Variants in TBCD observed in about 807,000 individuals in gnomAD.
TBCD encodes the protein tubulin folding cofactor D.
Under a neutral mutation model 169.3 loss-of-function variants are expected in TBCD, and 105 were observed. That is an observed-to-expected ratio of 0.62 (90% CI 0.53 to 0.73). The LOEUF (loss-of-function observed/expected upper bound fraction) is 0.73, where lower values mean the gene tolerates loss of function less well. Among genes scored for constraint, TBCD ranks in the 30% least tolerant of loss-of-function variants. TBCD has a pLI of 0.00. For missense variants in TBCD, 1,444 were observed against 1,600.1 expected, an observed-to-expected ratio of 0.90 and a Z score of 1.66; for synonymous variants, 700 against 643.9, an observed-to-expected ratio of 1.09 and a Z score of -1.32.
intron 9 of TBCD, among the ~76,000 whole-genome samples, chr17:82,803,547 C>T (rs2050730013): frequency 6.6e-6 from 1 of 152,236 alleles, no homozygotes. Flanking sequence ...TATGAGCCCT[C>T]CACTCATTGA....
chr17:82,929,707 A>G (rs1382623239), intron 32 of TBCD: 2 of 719,494 alleles, frequency 2.8e-6, no homozygotes, highest in African/African-American at 1.8e-5. Context: ...AGTCTGATGA[A>G]GGTGGGACAG....
chr17:82,765,540 C>T lies in TBCD; in HGVS notation c.334-727C>T, dbSNP rs564501166. 7.2e-5 allele frequency among the ~76,000 whole-genome samples: 11 copies of T among 152,260 alleles called. No homozygotes were observed. In the East Asian group the frequency reaches 7.7e-4, roughly 11 times the overall value. On this transcript the variant is annotated intron_variant, in intron 3 of 38. Transcript: ENST00000355528. ...GGGCTTGGGGTTCGTAGTGGCGAGG[C>T]GCATTTCTGTTGTCTGGCGGGAAAG...
At chr17:82,830,177 C>T (rs368293487) in intron 13 of TBCD, 1 of 1,614,202 alleles carries the variant, frequency 6.2e-7, no homozygotes, top group Non-Finnish European at 8.5e-7. Flanking sequence ...AGTGTGAACA[C>T]TCTGGCCGTG....
Position 82,889,235 on chromosome 17 carries a change from A to T in TBCD, c.1534-433A>T, listed in dbSNP as rs903382033. 3.3e-5 allele frequency among the ~76,000 whole-genome samples: 5 copies of T among 152,014 alleles called. No homozygotes were observed. The highest frequency in any genetic ancestry group is 1.2e-4 in the African/African-American group (5 of 41,392). On this transcript the variant is annotated intron_variant, in intron 15 of 38. Coordinates refer to ENST00000355528, the MANE Select transcript of TBCD (RefSeq NM_005993.5). The surrounding 1 kb of genome is among the most constrained non-coding windows in gnomAD (Gnocchi z 5.3). ...GGGACTCGGCCTGGAGAGCCTATTG[A>T]CACCGTGCCATGGGTGCGGGCAGGG...
intron 12 of TBCD, among the ~76,000 whole-genome samples, chr17:82,812,731 C>T (rs758891318): frequency 1.9e-4 from 29 of 152,166 alleles, no homozygotes; most frequent in Admixed American, 3.3e-4. Flanking sequence ...TTAGTAGAGA[C>T]GGGGTTTCAC....
At chr17:82,900,347 G>T (rs1050566520) in intron 17 of TBCD, among the ~76,000 whole-genome samples, 2 of 152,190 alleles carry the variant, frequency 1.3e-5, no homozygotes, top group African/African-American at 4.8e-5. Context: ...CAGATTGTGT[G>T]TGTTGTTGCT....
chr17:82,843,446 A>ACCCTT (rs1381494922), intron 13 of TBCD, among the ~76,000 whole-genome samples: 5 of 79,722 alleles, frequency 6.3e-5, no homozygotes, highest in African/African-American at 2.6e-4. Context: ...CAGCTTACAT[A>ACCCTT]CCCTTCCCTT....
At chr17:82,854,129 A>C (rs370282145) in intron 13 of TBCD, among the ~76,000 whole-genome samples, 83 of 152,316 alleles carry the variant, frequency 5.4e-4, no homozygotes, top group Admixed American at 1.7e-3. Context: ...CATATTTGAC[A>C]TTGTTGAGTT....
chr17:82,907,880 G>T, intron 21 of TBCD, 59 bp downstream of exon 21: 2 of 1,568,954 alleles, frequency 1.3e-6, no homozygotes, highest in Admixed American at 1.8e-5. Flanking sequence ...GCCCCCTTAG[G>T]GCCTCCCACC....
chr17:82,869,761 C>T (rs536854199), intron 13 of TBCD, among the ~76,000 whole-genome samples: 123 of 152,012 alleles, frequency 8.1e-4, no homozygotes, highest in African/African-American at 2.9e-3. Context: ...TCCCCTGGGA[C>T]GCTCTGCCTT....
intron 13 of TBCD, among the ~76,000 whole-genome samples, chr17:82,856,587 A>G (rs1399145447): frequency 6.6e-6 from 1 of 152,200 alleles, no homozygotes; most frequent in Non-Finnish European, 1.5e-5. Flanking sequence ...GAATGCTATC[A>G]GGGCCCTTAC....
chr17:82,939,432 G>A lies in TBCD; in HGVS notation c.3435G>A (p.Ala1145=), dbSNP rs373699857. 261 of 1,613,640 alleles carry A rather than the reference G, an allele frequency of 1.6e-4. 3 individuals carry two copies. The Middle Eastern group carries it at 8.4e-3, about 52-fold the overall frequency. ...TLLTYSDVVG[A]DVLDEVVTVL... ...TCACCTACAGTGACGTCGTGGGCGCGGATGTGCTGGACGAGGTGGTGACTG... is the reference window on the plus strand; with the variant it reads ...TCACCTACAGTGACGTCGTGGGCGCAGATGTGCTGGACGAGGTGGTGACTG... The change falls in exon 37 of 39, where the codon GCG becomes GCA. Residue 1145 remains alanine (A), a synonymous_variant. Coordinates refer to ENST00000355528, the MANE Select transcript of TBCD (RefSeq NM_005993.5).
chr17:82,763,940 A>G (rs370095958), intron 2 of TBCD, 25 bp from the exon 3 acceptor site: 119 of 1,597,100 alleles, frequency 7.5e-5, no homozygotes, highest in Non-Finnish European at 1.0e-4. Flanking sequence ...CTTTTACAGT[A>G]AATGTTTCCT....
At chr17:82,769,195 G>A (rs2048177929) in intron 5 of TBCD, among the ~76,000 whole-genome samples, 1 of 152,150 alleles carries the variant, frequency 6.6e-6, no homozygotes, top group Non-Finnish European at 1.5e-5. Context: ...AACTCGACAT[G>A]GGCAGGCTTT....
Position 82,932,730 on chromosome 17 carries a change from G to A in TBCD, c.3186G>A (p.Glu1062=), listed in dbSNP as rs376985308. 7.9e-5 allele frequency: 128 copies of A among 1,613,760 alleles called. No homozygotes were observed. The highest frequency in any genetic ancestry group is 1.0e-4 in the Non-Finnish European group (123 of 1,179,886). Residue 1062 remains glutamate (E), a synonymous_variant, in exon 34 of 39, where the codon GAG becomes GAA. Coordinates refer to ENST00000355528, the MANE Select transcript of TBCD (RefSeq NM_005993.5). ...THGCFDIFTT[E]EDHPFAVKLL... ...GCTGCTTCGACATCTTCACCACGGA[G>A]GAGGAGTGAGGCTCTGCTTTTCATG...
At chr17:82,805,344 C>T (rs1443376381) in intron 9 of TBCD, among the ~76,000 whole-genome samples, 1 of 152,228 alleles carries the variant, frequency 6.6e-6, no homozygotes, top group South Asian at 2.1e-4. Flanking sequence ...ATGGCGTGTC[C>T]AGGGGATGAC....
At chr17:82,764,316 G>C (rs1338850728) in intron 3 of TBCD, among the ~76,000 whole-genome samples, 1 of 152,188 alleles carries the variant, frequency 6.6e-6, no homozygotes, top group African/African-American at 2.4e-5. Context: ...AAGGGAATGG[G>C]GTGGAGATGA....
intron 6 of TBCD, among the ~76,000 whole-genome samples, chr17:82,776,365 C>T (rs913372386): frequency 7.2e-5 from 11 of 152,248 alleles, no homozygotes; most frequent in Middle Eastern, 3.4e-3. Context: ...GCTGTGATTG[C>T]GCCACTGCAT....
intron 23 of TBCD, 48 bp downstream of exon 23, chr17:82,911,837 A>G (rs779111313): frequency 6.2e-7 from 1 of 1,607,258 alleles, no homozygotes; most frequent in South Asian, 1.1e-5. Flanking sequence ...TGCCGCAGCC[A>G]TCGTTGAGGG....
Sources: gnomAD v4.1 joint callset for allele counts (sites outside exome capture counted in the v4.1 genomes callset) on GRCh38, gnomAD v4.1.1 for gene constraint, Gnocchi (gnomAD v3.1) non-coding constraint, MANE v1.5 for transcripts, NCBI Gene and HGNC (gene_info 2026-07-23, HGNC 2026-07-21) for gene names.